Variants in SRI observed in about 807,000 individuals in gnomAD.
SRI encodes sorcin.
Under a neutral mutation model 33.3 loss-of-function variants are expected in SRI, and 30 were observed. The ratio of observed to expected loss-of-function variants is 0.90; its 90% CI spans 0.67 to 1.22. The LOEUF (loss-of-function observed/expected upper bound fraction) is 1.22, where lower values mean the gene tolerates loss of function less well. SRI is among the 50% of genes most tolerant of loss of function. The pLI is 0.00. For missense variants in SRI, 243 were observed against 250.8 expected (o/e 0.97, Z 0.21); for synonymous variants, 75 against 89.9 (o/e 0.83, Z 0.94).
chr7:88,220,210 T>C, upstream of SRI: 2 of 1,312,586 alleles, frequency 1.5e-6, no homozygotes, highest in Non-Finnish European at 1.9e-6. Flanking sequence ...TGCGCGCTTC[T>C]TCGTATCTTT....
In SRI at chr7:88,206,305, T is replaced by C. The variant is rs1851438088; in HGVS notation, c.*173A>G. 1.3e-6 allele frequency: 1 copy of C among 754,044 alleles called. No individual in the cohort carries two copies. The highest frequency in any genetic ancestry group is 2.3e-6 in the Non-Finnish European group (1 of 441,780). 46.7% of individuals were successfully genotyped at this position (754,044 alleles called of 1,614,324 possible). On this transcript the variant is annotated 3_prime_UTR_variant, in exon 8 of 8. Coordinates refer to ENST00000265729, the MANE Select transcript of SRI (RefSeq NM_003130.4). ...TAGATCTTATTAAAGTTCCAAAGAA[T>C]TTATTATCAAAACTAAAACAAAACT...
chr7:88,208,368 A>G, intron 7 of SRI, 139 bp downstream of exon 7: 1 of 1,426,830 alleles, frequency 7.0e-7, no homozygotes, highest in African/African-American at 1.4e-5. Context: ...ATTCTGGATG[A>G]TAACTCTTTC....
At chr7:88,222,651 G>C (rs1221730698), upstream of SRI, among the ~76,000 whole-genome samples, 1 of 152,112 alleles carries the variant, frequency 6.6e-6, no homozygotes, top group Admixed American at 6.6e-5. Flanking sequence ...CCAAAACAGA[G>C]ATATAGATCA....
intron 1 of SRI, chr7:88,219,543 TG>T (rs201495041): frequency 0.052 from 7,103 of 137,180 alleles, 186 homozygotes; most frequent in South Asian, 0.11. Flanking sequence ...ACTCGTTTTT[TG>T]TTTGTTTGTT....
chr7:88,209,945 C>G, intron 5 of SRI, 38 bp downstream of exon 5: 1 of 1,613,810 alleles, frequency 6.2e-7, no homozygotes, highest in Admixed American at 1.7e-5. Context: ...CAACTTACTT[C>G]TACCAATGAA....
chr7:88,208,884 C>T (rs543065728), intron 6 of SRI: 65 of 334,328 alleles, frequency 1.9e-4, no homozygotes, highest in African/African-American at 1.0e-3. Context: ...ATAAAAGCAC[C>T]GAATTTCTAG....
Position 88,205,394 on chromosome 7 carries a change from GA to G in SRI, c.*1083del, listed in dbSNP as rs1457289820. The G allele has an allele frequency of 3.9e-5, 6 of 152,304 alleles. No homozygotes were observed. The highest frequency in any genetic ancestry group is 1.2e-4 in the African/African-American group (5 of 41,570). 9.4% of individuals were successfully genotyped at this position (152,304 alleles called of 1,614,324 possible). Reference sequence around the variant, plus strand: ...ATATTATCTCCTTTTCAAAGATGGGGAAACTGAAACTGGGCATTATCTATAA... The same window carrying G: ...ATATTATCTCCTTTTCAAAGATGGGGAACTGAAACTGGGCATTATCTATAA... On this transcript the variant is annotated 3_prime_UTR_variant, in exon 8 of 8. Coordinates refer to ENST00000265729, the MANE Select transcript of SRI (RefSeq NM_003130.4).
chr7:88,207,968 A>C (rs1187598574), intron 7 of SRI: 1 of 152,004 alleles, frequency 6.6e-6, no homozygotes, highest in African/African-American at 2.4e-5. Context: ...AACCTGGGCA[A>C]CAGAGCGAGA....
In SRI at chr7:88,206,350, TA is replaced by T. The variant is rs1280033665; in HGVS notation, c.*127del. 1 of 1,101,288 alleles carries T rather than the reference TA, an allele frequency of 9.1e-7. No homozygotes were observed. The highest frequency in any genetic ancestry group is 1.4e-6 in the Non-Finnish European group (1 of 716,946). 68.2% of individuals were successfully genotyped at this position (1,101,288 alleles called of 1,614,324 possible). The stretch of plus-strand genomic sequence containing the variant: ...AAAACTTCAGTTGTACATAAAGTAA[TA>T]AACTTTACAACAGCTGTTAAGAGAA... On this transcript the variant is annotated 3_prime_UTR_variant, in exon 8 of 8. Coordinates refer to ENST00000265729, the MANE Select transcript of SRI (RefSeq NM_003130.4).
chr7:88,213,322 A>C (rs1331162909), intron 3 of SRI, among the ~76,000 whole-genome samples: 1 of 152,230 alleles, frequency 6.6e-6, no homozygotes, highest in South Asian at 2.1e-4. Context: ...TAACTGGTAC[A>C]TAAGGTAACA....
Position 88,217,145 on chromosome 7 carries a change from G to C in SRI, c.182C>G (p.Ser61Cys), listed in dbSNP as rs993488787. Reference sequence around the variant, plus strand: ...ACGTTTGTATCCTCCAGCAATGCCAGACTGTGTCAGACATCTCTGCAATTC... The same window carrying C: ...ACGTTTGTATCCTCCAGCAATGCCACACTGTGTCAGACATCTCTGCAATTC... ...ADELQRCLTQ[S>C]GIAGGYKPFN... Residue 61 changes from serine to cysteine, a missense_variant, in exon 3 of 8, where the codon TCT becomes TGT. Transcript: ENST00000265729. The C allele has an allele frequency of 1.2e-6, 2 of 1,613,370 alleles. No individual in the cohort carries two copies. Among genetic ancestry groups the C allele is most frequent in the South Asian group, 2.2e-5 (2 of 91,048 alleles).
chr7:88,221,903 C>T (rs43104), upstream of SRI, among the ~76,000 whole-genome samples: 35,138 of 145,790 alleles, frequency 0.24, 5,044 homozygotes, highest in East Asian at 0.74. Flanking sequence ...GTGATCTCAT[C>T]GTTCAGTTCC....
In SRI at chr7:88,226,490, G is replaced by T. The variant is rs577852046; in HGVS notation, c.6+419C>A. ...AATACAATCTCCATCTGTTCAATAA[G>T]CTGGGAGAGGAGGGAATTTGGGAAG... On this transcript the variant is annotated intron_variant, in intron 1 of 7. Transcript: ENST00000394641. Among the ~76,000 whole-genome samples the T allele has an allele frequency of 1.1e-4, 17 of 152,270 alleles. No individual in the cohort carries two copies. In the South Asian group the frequency reaches 3.3e-3, roughly 30 times the overall value.
chr7:88,218,557 G>C (rs763829519), intron 2 of SRI, among the ~76,000 whole-genome samples: 41 of 152,120 alleles, frequency 2.7e-4, no homozygotes, highest in Admixed American at 2.7e-3. Flanking sequence ...TCTTTAAGTT[G>C]TACAAACAAG....
At chr7:88,216,178 A>G (rs910862711) in intron 3 of SRI, among the ~76,000 whole-genome samples, 6 of 151,836 alleles carry the variant, frequency 4.0e-5, no homozygotes, top group African/African-American at 1.5e-4. Flanking sequence ...AGGTTTCACT[A>G]TGTTGCCCAG....
In SRI at chr7:88,210,622, A is replaced by C. The variant is rs1404271744; in HGVS notation, c.249+260T>G. The C allele has an allele frequency of 1.1e-4, 47 of 443,362 alleles. 2 individuals are homozygous for C. The highest frequency in any genetic ancestry group is 1.5e-4 in the Non-Finnish European group (36 of 242,948). 27.5% of individuals were successfully genotyped at this position (443,362 alleles called of 1,614,324 possible). On this transcript the variant is annotated intron_variant, in intron 4 of 7. Coordinates refer to ENST00000265729, the MANE Select transcript of SRI (RefSeq NM_003130.4). ...AGAGGAATCAATGTTAAAGAAAAAA[A>C]GCTGTCCTGACACTCTGGACTCTGT...
chr7:88,219,417 T>C (rs1024917581), intron 1 of SRI: 2 of 194,302 alleles, frequency 1.0e-5, no homozygotes, highest in Non-Finnish European at 2.2e-5. Flanking sequence ...CGAGGGAACA[T>C]TGCCTGTCTC....
At chr7:88,222,703 A>G (rs2115826396), upstream of SRI, among the ~76,000 whole-genome samples, 1 of 152,276 alleles carries the variant, frequency 6.6e-6, no homozygotes, top group East Asian at 1.9e-4. Context: ...CCGCATACCT[A>G]CAACTATCTG....
chr7:88,206,633 T>C lies in SRI; in HGVS notation c.571-129A>G, dbSNP rs961877942. 6.2e-6 allele frequency: 6 copies of C among 974,860 alleles called. No homozygotes were observed. In the African/African-American group the frequency reaches 8.1e-5, roughly 13 times the overall value. 60.4% of individuals were successfully genotyped at this position (974,860 alleles called of 1,614,324 possible). On this transcript the variant is annotated intron_variant, in intron 7 of 7. Coordinates refer to ENST00000265729, the MANE Select transcript of SRI (RefSeq NM_003130.4). ...ACAACCCCTACAACTTTCTAAGATA[T>C]GAGTAAATGATAGATGGAAAAGTTT...
Sources: allele counts gnomAD v4.1 joint callset (sites outside exome capture counted in the v4.1 genomes callset), GRCh38; gene constraint gnomAD v4.1.1; transcripts MANE v1.5; gene names NCBI Gene and HGNC (gene_info 2026-07-23, HGNC 2026-07-21).